PLEKHM2: variants seen among roughly 807,000 people sequenced by gnomAD.
The protein encoded by PLEKHM2 is pleckstrin homology domain-containing family M member 2.
In PLEKHM2, 77 loss-of-function variants were observed where a neutral mutation model predicts 116.3. The ratio of observed to expected loss-of-function variants is 0.66; its 90% CI spans 0.55 to 0.80. PLEKHM2 has a LOEUF of 0.80. Ranked by LOEUF, PLEKHM2 falls within the 30% of genes least tolerant of loss-of-function variation. PLEKHM2 has a pLI of 0.00. For missense variants in PLEKHM2, 1,183 were observed against 1,354.9 expected (o/e 0.87, Z 1.99); for synonymous variants, 562 against 571.0 (o/e 0.98, Z 0.22).
At chr1:15,685,557 A>AAAAAAAAAAAAAAAAAAAAAAAAG (rs1553157089) in intron 1 of PLEKHM2, among the ~76,000 whole-genome samples, 2 of 147,952 alleles carry the variant, frequency 1.4e-5, no homozygotes, top group African/African-American at 5.2e-5. Context: ...AAAAAAAAAA[A>AAAAAAAAAAAAAAAAAAAAAAAAG]AAAGAAAGAA....
intron 1 of PLEKHM2, among the ~76,000 whole-genome samples, chr1:15,712,728 A>T (rs1455410628): frequency 9.4e-6 from 1 of 106,202 alleles, no homozygotes; most frequent in Non-Finnish European, 1.9e-5. Context: ...GCAACCTTGA[A>T]CTCCTGGGCT....
chr1:15,732,828 C>T (rs756346364), intron 19 of PLEKHM2, 100 bp downstream of exon 19: 9 of 779,304 alleles, frequency 1.2e-5, no homozygotes, highest in Non-Finnish European at 1.9e-5. Context: ...CTTGGCCCTG[C>T]CTCCAGGGTC....
At chr1:15,705,532 C>T (rs902268020) in intron 1 of PLEKHM2, among the ~76,000 whole-genome samples, 2 of 152,082 alleles carry the variant, frequency 1.3e-5, no homozygotes, top group Non-Finnish European at 1.5e-5. Context: ...AGCTGAACTC[C>T]ACCTGATCCA....
At chr1:15,688,664 AAAAG>A (rs1640823964) in intron 1 of PLEKHM2, among the ~76,000 whole-genome samples, 1 of 152,022 alleles carries the variant, frequency 6.6e-6, no homozygotes, top group South Asian at 2.1e-4. Flanking sequence ...AAAAAAAAAA[AAAAG>A]GAAATGATAA....
rs1232622662 is a variant in PLEKHM2, at chr1:15,728,199, G to A, written c.1830+51G>A. 10 of 1,603,922 alleles carry A rather than the reference G, an allele frequency of 6.2e-6. No individual in the cohort carries two copies. The highest frequency in any genetic ancestry group is 7.7e-6 in the Non-Finnish European group (9 of 1,171,978). ...GCAAGAGACGGCAAGGGCAAGGCGG[G>A]ATGGGCCACCGCCCCCGCTGGAGCG... On this transcript the variant is annotated intron_variant, in intron 10 of 19. Coordinates refer to ENST00000375799, the MANE Select transcript of PLEKHM2 (RefSeq NM_015164.4). The surrounding 1 kb of genome is among the most constrained non-coding windows in gnomAD (Gnocchi z 5.9).
At chr1:15,720,551 C>A in intron 6 of PLEKHM2, 1 of 896,490 alleles carries the variant, frequency 1.1e-6, no homozygotes, top group Non-Finnish European at 1.3e-6. Flanking sequence ...AACCTTAGGC[C>A]CTGGTGTTCA....
At position 15,727,245 on chromosome 1, in the gene PLEKHM2, G is replaced by T; in HGVS notation, c.1173G>T (p.Pro391=). 1 of 1,604,474 alleles carries T rather than the reference G, an allele frequency of 6.2e-7. No individual in the cohort carries two copies. The highest frequency in any genetic ancestry group is 8.5e-7 in the Non-Finnish European group (1 of 1,176,602). ...STTESSERSE[P]GLLIPEMKDT... Reference sequence around the variant, plus strand: ...CGGAGAGCAGCGAGCGCTCCGAGCCGGGCCTGCTGATCCCTGAGATGAAGG... The same window carrying T: ...CGGAGAGCAGCGAGCGCTCCGAGCCTGGCCTGCTGATCCCTGAGATGAAGG... The change falls in exon 9 of 20, where the codon CCG becomes CCT. Residue 391 remains proline, a synonymous_variant. Coordinates refer to ENST00000375799, the MANE Select transcript of PLEKHM2 (RefSeq NM_015164.4). This position sits in a 1 kb window ranked among gnomAD's most constrained non-coding sequence, Gnocchi z 7.5.
intron 7 of PLEKHM2, among the ~76,000 whole-genome samples, chr1:15,725,100 G>A (rs2068044962): frequency 6.6e-6 from 1 of 152,156 alleles, no homozygotes. Flanking sequence ...GGAGGCCCCA[G>A]GGGTGGTGGA....
chr1:15,702,717 CTT>C (rs34226783), intron 1 of PLEKHM2, among the ~76,000 whole-genome samples: 2,046 of 89,896 alleles, frequency 0.023, 93 homozygotes, highest in African/African-American at 0.1. Flanking sequence ...CGTGCCCAGC[CTT>C]TTTTTTTTTT....
rs376073436 is a variant in PLEKHM2, at chr1:15,728,320, G to T, written c.1884G>T (p.Val628=). 3.1e-6 allele frequency: 5 copies of T among 1,613,246 alleles called. No individual in the cohort carries two copies. In the East Asian group the frequency reaches 1.1e-4, roughly 36 times the overall value. The change falls in exon 11 of 20, where the codon GTG becomes GTT. Residue 628 remains valine (V), a synonymous_variant. Transcript: ENST00000375799. This position sits in a 1 kb window ranked among gnomAD's most constrained non-coding sequence, Gnocchi z 5.9. ...HMEGNLQLLY[V]LLTDCYVYLL... ...AGGGCAACCTGCAGCTGCTGTACGT[G>T]CTGCTCACAGACTGCTATGTCTACC...
chr1:15,719,962 AAC>A lies in PLEKHM2; in HGVS notation c.652+44_652+45del. On this transcript the variant is annotated intron_variant, in intron 6 of 19. Transcript: ENST00000375799. The surrounding 1 kb of genome is among the most constrained non-coding windows in gnomAD (Gnocchi z 4.1). ...CAGAAAAGCTAAGCCCCTGTTGTGA[AAC>A]AGACTTGAACTGCTTAAGCCTGGCT... is the stretch of plus-strand genomic sequence containing the variant. 6.7e-7 allele frequency: 1 copy of A among 1,495,556 alleles called. No individual in the cohort carries two copies. Among genetic ancestry groups the A allele is most frequent in the Non-Finnish European group, 9.2e-7 (1 of 1,089,936 alleles). 92.6% of individuals were successfully genotyped at this position (1,495,556 alleles called of 1,614,324 possible).
In PLEKHM2 at chr1:15,734,158, C is replaced by T. The variant is rs920690898; in HGVS notation, c.*224C>T. On this transcript the variant is annotated 3_prime_UTR_variant, in exon 20 of 20. Transcript: ENST00000375799. ...TGCCCGACAGGTAGCGAATGGAGGT[C>T]GCTGGGGGCAGAGGGTCCGAGCCCT... 1.1e-5 allele frequency: 6 copies of T among 563,564 alleles called. No individual in the cohort carries two copies. Among genetic ancestry groups the T allele is most frequent in the East Asian group, 3.1e-5 (1 of 31,770 alleles). 34.9% of individuals were successfully genotyped at this position (563,564 alleles called of 1,614,324 possible).
chr1:15,688,765 C>T (rs925659220), intron 1 of PLEKHM2, among the ~76,000 whole-genome samples: 1 of 152,070 alleles, frequency 6.6e-6, no homozygotes, highest in East Asian at 1.9e-4. Context: ...CCTGTGGTTG[C>T]CGATTTGTTA....
Position 15,684,519 on chromosome 1 carries a change from C to CGGCGGTGGCGGT in PLEKHM2, c.-28_-17dup, listed in dbSNP as rs766819146. Reference sequence around the variant, plus strand: ...GCGGGAAGCGGCGGCGGGGCGGCGGCGGCGGTGGCGGTGGCGGTGGCGGCG... The same window carrying CGGCGGTGGCGGT: ...GCGGGAAGCGGCGGCGGGGCGGCGGCGGCGGTGGCGGTGGCGGTGGCGGTGGCGGTGGCGGCG... On this transcript the variant is annotated 5_prime_UTR_variant, in exon 1 of 20. Transcript: ENST00000375799. The CGGCGGTGGCGGT allele has an allele frequency of 3.7e-6, 4 of 1,095,670 alleles. No individual in the cohort carries two copies. In the African/African-American group the frequency reaches 5.1e-5, roughly 14 times the overall value. The allele number at this position is 1,095,670 out of a possible 1,614,324, so 67.9% of individuals were successfully genotyped here. A position where few individuals can be genotyped will look rare whatever the true frequency, so the allele number is the denominator to read the frequency against.
intron 1 of PLEKHM2, among the ~76,000 whole-genome samples, chr1:15,700,057 G>C (rs1641079367): frequency 6.6e-6 from 1 of 151,952 alleles, no homozygotes; most frequent in Non-Finnish European, 1.5e-5. Context: ...CCCTGGGGCT[G>C]GTGAAGCGGC....
At chr1:15,717,814 C>A in intron 3 of PLEKHM2, 79 bp from the exon 4 acceptor site, 1 of 909,316 alleles carries the variant, frequency 1.1e-6, no homozygotes, top group African/African-American at 1.7e-5. Context: ...CTCTTTCTTT[C>A]CTTTCTGCGC....
intron 1 of PLEKHM2, among the ~76,000 whole-genome samples, chr1:15,697,187 C>T (rs1641015426): frequency 6.6e-6 from 1 of 152,234 alleles, no homozygotes; most frequent in African/African-American, 2.4e-5. Flanking sequence ...ACACACAACA[C>T]TGAGCGTGCA....
intron 1 of PLEKHM2, among the ~76,000 whole-genome samples, chr1:15,710,829 C>T (rs960405916): frequency 1.3e-5 from 2 of 152,244 alleles, no homozygotes; most frequent in Non-Finnish European, 1.5e-5. Context: ...TTCCAGCTAC[C>T]CAGCAGGCTG....
chr1:15,727,919 C>A lies in PLEKHM2; in HGVS notation c.1760+87C>A. The A allele has an allele frequency of 8.0e-7, 1 of 1,243,316 alleles. No individual in the cohort carries two copies. Among genetic ancestry groups the A allele is most frequent in the Non-Finnish European group, 1.1e-6 (1 of 883,402 alleles). 77.0% of individuals were successfully genotyped at this position (1,243,316 alleles called of 1,614,324 possible). On this transcript the variant is annotated intron_variant, in intron 9 of 19. Transcript: ENST00000375799. The surrounding 1 kb of genome is among the most constrained non-coding windows in gnomAD (Gnocchi z 7.5). ...CTCTGACCTCCAGATAAATTAAGCA[C>A]TAGGAAGACCTAGCCTGAGTGAGAA...
Sources: allele counts gnomAD v4.1 joint callset (sites outside exome capture counted in the v4.1 genomes callset), GRCh38; gene constraint gnomAD v4.1.1; non-coding constraint Gnocchi (gnomAD v3.1); transcripts MANE v1.5; gene names NCBI Gene and HGNC (gene_info 2026-07-23, HGNC 2026-07-21).